Variants in PEX5L observed in about 807,000 individuals in gnomAD.
PEX5L encodes PEX5-related protein.
A neutral mutation model predicts 84.0 loss-of-function variants in PEX5L; 30 were observed. That is an observed-to-expected ratio of 0.36 (90% confidence interval 0.27 to 0.48). PEX5L has a LOEUF of 0.48. Ranked by LOEUF, PEX5L falls within the 20% of genes least tolerant of loss-of-function variation. The probability of loss-of-function intolerance (pLI) is 0.99; values close to 1 mark genes in which losing one functional copy is unlikely to be tolerated. For missense variants in PEX5L, 533 were observed against 754.6 expected, an observed-to-expected ratio of 0.71 and a Z score of 3.44; for synonymous variants, 270 against 283.1, an observed-to-expected ratio of 0.95 and a Z score of 0.46.
At chr3:179,887,601 T>C (rs1756303370) in intron 4 of PEX5L, 72 bp downstream of exon 4, 3 of 948,300 alleles carry the variant, frequency 3.2e-6, no homozygotes, top group South Asian at 1.4e-5. Flanking sequence ...AAATGTATTA[T>C]GGAAAAAATG....
chr3:180,002,868 T>C (rs1007718387), intron 1 of PEX5L, among the ~76,000 whole-genome samples: 3 of 152,112 alleles, frequency 2.0e-5, no homozygotes, highest in Admixed American at 6.5e-5. Flanking sequence ...GTAAATAATC[T>C]TGCTAAATCA....
At chr3:179,853,477 A>G (rs1266975903) in intron 8 of PEX5L, among the ~76,000 whole-genome samples, 2 of 152,102 alleles carry the variant, frequency 1.3e-5, no homozygotes, top group African/African-American at 4.8e-5. Flanking sequence ...CTCTGTAGAA[A>G]TCTCCACTCC....
At chr3:179,826,258 CCTT>C (rs1378887368) in intron 8 of PEX5L, among the ~76,000 whole-genome samples, 11 of 152,140 alleles carry the variant, frequency 7.2e-5, no homozygotes, top group Non-Finnish European at 1.5e-5. Flanking sequence ...TTCTCTTCCT[CCTT>C]ACCCAGCAAG....
intron 1 of PEX5L, chr3:179,973,793 C>A (rs944867497): frequency 3.6e-5 from 35 of 985,328 alleles, no homozygotes; most frequent in Non-Finnish European, 4.2e-5. Flanking sequence ...GAAATTATGT[C>A]CCCCAACCAA....
intron 9 of PEX5L, among the ~76,000 whole-genome samples, chr3:179,816,906 T>A (rs1726335593): frequency 6.6e-6 from 1 of 152,192 alleles, no homozygotes; most frequent in Non-Finnish European, 1.5e-5. Context: ...ACAACCGAGA[T>A]ACGACCACTA....
intron 2 of PEX5L, among the ~76,000 whole-genome samples, chr3:179,914,854 T>C (rs1578390928): frequency 6.6e-6 from 1 of 152,358 alleles, no homozygotes; most frequent in East Asian, 1.9e-4. Context: ...TTATAATTTC[T>C]GCAAAGCCTT....
intron 2 of PEX5L, among the ~76,000 whole-genome samples, chr3:179,905,798 T>C (rs1762992394): frequency 6.6e-6 from 1 of 152,186 alleles, no homozygotes; most frequent in Non-Finnish European, 1.5e-5. Context: ...CTTGGCTGTG[T>C]CTCACTAATG....
rs878863923 is a variant in PEX5L, at chr3:179,898,058, GT to G, written c.198+83del. On this transcript the variant is annotated intron_variant, in intron 3 of 14. Transcript: ENST00000467460. The stretch of plus-strand genomic sequence containing the variant: ...TAAAAAAATTGGTTCAAGAGTTAAA[GT>G]TTTTTTTTTCTAGTTAAAAATCACA... 7.7e-4 allele frequency: 557 copies of G among 726,162 alleles called. 1 individual carries two copies. The highest frequency in any genetic ancestry group is 1.8e-3 in the African/African-American group (99 of 54,526). 45.0% of individuals were successfully genotyped at this position (726,162 alleles called of 1,614,324 possible).
chr3:179,832,574 A>C (rs1733506779), intron 8 of PEX5L, among the ~76,000 whole-genome samples: 3 of 149,424 alleles, frequency 2.0e-5, no homozygotes, highest in Non-Finnish European at 4.5e-5. Context: ...CTACCTACCC[A>C]CCAACCTACC....
At chr3:179,853,073 C>T (rs1448262903) in intron 8 of PEX5L, among the ~76,000 whole-genome samples, 3 of 152,158 alleles carry the variant, frequency 2.0e-5, no homozygotes, top group Non-Finnish European at 4.4e-5. Context: ...AAGGAAGTCA[C>T]AATCTGGTAT....
intron 9 of PEX5L, among the ~76,000 whole-genome samples, chr3:179,818,287 A>T (rs1726957696): frequency 1.3e-5 from 2 of 151,654 alleles, no homozygotes; most frequent in South Asian, 4.2e-4. Context: ...TTAATTTTTA[A>T]TTTTTGTGGG....
chr3:180,029,004 T>A (rs1156399200), intron 1 of PEX5L, among the ~76,000 whole-genome samples: 2 of 152,194 alleles, frequency 1.3e-5, no homozygotes, highest in African/African-American at 2.4e-5. Context: ...AAGAGACAGA[T>A]AATCTCGCAG....
chr3:180,014,931 A>G (rs1789815884), intron 1 of PEX5L, among the ~76,000 whole-genome samples: 2 of 152,230 alleles, frequency 1.3e-5, no homozygotes, highest in African/African-American at 4.8e-5. Flanking sequence ...CTACATGTAA[A>G]CATCAGTACC....
chr3:179,833,373 C>G (rs1480691390), intron 8 of PEX5L, among the ~76,000 whole-genome samples: 2 of 152,204 alleles, frequency 1.3e-5, no homozygotes, highest in Non-Finnish European at 2.9e-5. Context: ...AATAACATAA[C>G]CAGGGCCAGA....
At position 179,993,957 on chromosome 3, in the gene PEX5L, C is replaced by T. The variant is rs904220078; in HGVS notation, c.22-22292G>A. ...TTCAACCTGCAGTTGCTTAAGTCTACAGATGCAGAACCCATGGATACCAAA... is the reference window on the plus strand; with the variant it reads ...TTCAACCTGCAGTTGCTTAAGTCTATAGATGCAGAACCCATGGATACCAAA... On this transcript the variant is annotated intron_variant, in intron 1 of 14. Coordinates refer to ENST00000467460, the MANE Select transcript of PEX5L (RefSeq NM_016559.3). Among the ~76,000 whole-genome samples, 26 of 152,312 alleles carry T rather than the reference C, an allele frequency of 1.7e-4. 1 individual carries two copies. The highest frequency in any genetic ancestry group is 5.8e-4 in the African/African-American group (24 of 41,570).
chr3:179,859,271 T>G, intron 7 of PEX5L, 114 bp from the exon 8 acceptor site: 1 of 746,780 alleles, frequency 1.3e-6, no homozygotes, highest in Non-Finnish European at 2.3e-6. Context: ...GAATCATCTG[T>G]GACTGATGAC....
intron 2 of PEX5L, among the ~76,000 whole-genome samples, chr3:179,946,733 T>C (rs1406862147): frequency 6.6e-6 from 1 of 152,214 alleles, no homozygotes; most frequent in Non-Finnish European, 1.5e-5. Flanking sequence ...ATTATTCCAG[T>C]GTGCATCTGT....
At chr3:179,961,284 C>A (rs921987168) in intron 2 of PEX5L, among the ~76,000 whole-genome samples, 1 of 150,128 alleles carries the variant, frequency 6.7e-6, no homozygotes, top group African/African-American at 2.5e-5. Context: ...TGGGGGTAAA[C>A]CATGTGAAAA....
intron 2 of PEX5L, among the ~76,000 whole-genome samples, chr3:179,940,384 G>A (rs569444115): frequency 6.6e-6 from 1 of 152,252 alleles, no homozygotes; most frequent in Admixed American, 6.5e-5. Flanking sequence ...TACTGTGTGT[G>A]TTGGGGGGCG....
Sources: gnomAD v4.1 joint callset for allele counts (sites outside exome capture counted in the v4.1 genomes callset) on GRCh38, gnomAD v4.1.1 for gene constraint, MANE v1.5 for transcripts, NCBI Gene and HGNC (gene_info 2026-07-23, HGNC 2026-07-21) for gene names.